The following AGO3 variants were observed in gnomAD, a reference collection of about 807,000 sequenced individuals.
The protein encoded by AGO3 is protein argonaute-3.
Under a neutral mutation model 105.5 loss-of-function variants are expected in AGO3, and 16 were observed. The ratio of observed to expected loss-of-function variants is 0.15; its 90% CI spans 0.10 to 0.23. The LOEUF (loss-of-function observed/expected upper bound fraction) is 0.23. Among genes scored for constraint, AGO3 ranks in the 10% least tolerant of loss-of-function variants. AGO3 has a pLI of 1.00. For missense variants in AGO3, 534 were observed against 1,088.0 expected, an observed-to-expected ratio of 0.49 and a Z score of 7.16; for synonymous variants, 340 against 367.3, an observed-to-expected ratio of 0.93 and a Z score of 0.85.
At chr1:35,996,631 TGTG>T (rs1409615040) in intron 5 of AGO3, among the ~76,000 whole-genome samples, 3 of 151,542 alleles carry the variant, frequency 2.0e-5, no homozygotes, top group African/African-American at 2.4e-5. Context: ...ATTAGGCAGG[TGTG>T]GTGGTGGTCA....
At chr1:36,013,823 AATAT>A in intron 10 of AGO3, 71 bp downstream of exon 10, 2 of 1,601,356 alleles carry the variant, frequency 1.2e-6, no homozygotes, top group Middle Eastern at 1.7e-4. Context: ...GCATATCAGA[AATAT>A]TTCAATTCAG....
intron 1 of AGO3, among the ~76,000 whole-genome samples, chr1:35,936,268 C>A (rs765798774): frequency 1.1e-4 from 17 of 150,216 alleles, no homozygotes; most frequent in East Asian, 7.8e-4. Context: ...AAAAAAAAAA[C>A]CAACTATTGA....
intron 5 of AGO3, among the ~76,000 whole-genome samples, chr1:35,997,210 T>TG (rs1465981089): frequency 4.0e-5 from 6 of 151,196 alleles, no homozygotes; most frequent in Non-Finnish European, 8.9e-5. Flanking sequence ...ACCTGGGAGG[T>TG]GGAGGTTGGA....
At chr1:35,955,791 C>T (rs1188409114) in intron 2 of AGO3, among the ~76,000 whole-genome samples, 3 of 152,020 alleles carry the variant, frequency 2.0e-5, no homozygotes, top group South Asian at 2.1e-4. Flanking sequence ...AATGGGATTT[C>T]GCCATGTTGC....
chr1:35,942,102 T>G (rs1008329306), intron 1 of AGO3, among the ~76,000 whole-genome samples: 2 of 152,186 alleles, frequency 1.3e-5, no homozygotes, highest in Non-Finnish European at 2.9e-5. Context: ...ATTACTTATC[T>G]CAGGCTAGGA....
intron 11 of AGO3, among the ~76,000 whole-genome samples, chr1:36,019,555 C>T (rs1641103617): frequency 6.6e-6 from 1 of 152,178 alleles, no homozygotes; most frequent in Non-Finnish European, 1.5e-5. Flanking sequence ...CATCAGCCCA[C>T]TTGTATGAGA....
Position 36,027,451 on chromosome 1 carries a change from G to A in AGO3, c.1591+153G>A, listed in dbSNP as rs1013735160. On this transcript the variant is annotated intron_variant, in intron 12 of 18. Transcript: ENST00000373191. This position sits in a 1 kb window ranked among gnomAD's most constrained non-coding sequence, Gnocchi z 4.0. ...TATTACTTGAAGACAAATTAATATA[G>A]CAAACTAAATAGTCCAAGATGAGAC... Among the ~76,000 whole-genome samples the A allele has an allele frequency of 6.6e-6, 1 of 152,142 alleles. No homozygotes were observed. Among genetic ancestry groups the A allele is most frequent in the African/African-American group, 2.4e-5 (1 of 41,434 alleles).
rs528305656 is a variant in AGO3 at position 35,997,107 on chromosome 1, A to C, written c.659-7234A>C. ...AGCTTGGCCAACATGGTGAAAACCT[A>C]TCTCTACTAAAAATAGAAAAAATTA... On this transcript the variant is annotated intron_variant, in intron 5 of 18. Transcript: ENST00000373191. Among the ~76,000 whole-genome samples, 32 of 152,152 alleles carry C rather than the reference A, an allele frequency of 2.1e-4. No individual in the cohort carries two copies. The East Asian group carries it at 4.3e-3, about 20-fold the overall frequency.
Position 36,009,051 on chromosome 1 carries a change from C to G in AGO3, c.1029+7C>G. 3.3e-6 allele frequency: 5 copies of G among 1,525,876 alleles called. No homozygotes were observed. Among genetic ancestry groups the G allele is most frequent in the Non-Finnish European group, 4.3e-6 (5 of 1,153,032 alleles). The allele number at this position is 1,525,876 out of a possible 1,614,324, so 94.5% of individuals were successfully genotyped here. ...CACCTACCTGCCACTAGAAGTAATGCCTTCACACTGCTAATTAATACCCTG... is the reference window on the plus strand; with the variant it reads ...CACCTACCTGCCACTAGAAGTAATGGCTTCACACTGCTAATTAATACCCTG... On this transcript the variant is annotated splice_region_variant and intron_variant, in intron 8 of 18. Transcript: ENST00000373191.
Position 35,961,531 on chromosome 1 carries a change from A to C in AGO3, c.192-5424A>C, listed in dbSNP as rs903656573. On this transcript the variant is annotated intron_variant, in intron 2 of 18. Transcript: ENST00000373191. ...TTTTCACATGACAATCTATCAAAAT[A>C]GCCAAAAACTTATTCTGTAATTTTC... 2.0e-5 allele frequency among the ~76,000 whole-genome samples: 3 copies of C among 152,208 alleles called. No individual in the cohort carries two copies. In the East Asian group the frequency reaches 5.8e-4, roughly 29 times the overall value.
At chr1:36,014,964 G>A (rs1029077657) in intron 11 of AGO3, among the ~76,000 whole-genome samples, 1 of 152,096 alleles carries the variant, frequency 6.6e-6, no homozygotes, top group Admixed American at 6.6e-5. Context: ...TAAATGTGGG[G>A]AGGGTTTCCC....
intron 16 of AGO3, chr1:36,043,226 C>G (rs796462743): frequency 9.1e-5 from 44 of 485,290 alleles, no homozygotes; most frequent in African/African-American, 7.4e-4. Flanking sequence ...GTAGTAGAGA[C>G]TGTATTAGGT....
At chr1:36,007,772 A>G (rs1042741376) in intron 6 of AGO3, among the ~76,000 whole-genome samples, 1 of 152,164 alleles carries the variant, frequency 6.6e-6, no homozygotes, top group Non-Finnish European at 1.5e-5. Context: ...GTAACATGTT[A>G]TTAGTGATTA....
intron 1 of AGO3, among the ~76,000 whole-genome samples, chr1:35,939,619 A>G (rs906635854): frequency 1.3e-5 from 2 of 152,168 alleles, no homozygotes; most frequent in Non-Finnish European, 2.9e-5. Flanking sequence ...AAAATAGTCT[A>G]TCAGAAAAAG....
At chr1:35,982,638 C>T in intron 5 of AGO3, 1 of 717,542 alleles carries the variant, frequency 1.4e-6, no homozygotes, top group East Asian at 2.7e-5. Context: ...CCTCTGGCAG[C>T]AGTGTGGAGA....
intron 5 of AGO3, among the ~76,000 whole-genome samples, chr1:35,999,460 T>G (rs779935417): frequency 7.9e-5 from 12 of 152,212 alleles, no homozygotes; most frequent in Non-Finnish European, 1.8e-4. Context: ...TGACTGAAAT[T>G]GCGATTGAAG....
intron 5 of AGO3, among the ~76,000 whole-genome samples, chr1:35,976,347 C>A (rs1348714208): frequency 6.6e-6 from 1 of 151,950 alleles, no homozygotes; most frequent in Non-Finnish European, 1.5e-5. Flanking sequence ...TGTATACTTT[C>A]TCTCTTTCTG....
At chr1:35,962,037 T>C (rs1422572439) in intron 2 of AGO3, among the ~76,000 whole-genome samples, 1 of 152,232 alleles carries the variant, frequency 6.6e-6, no homozygotes, top group Non-Finnish European at 1.5e-5. Flanking sequence ...TTTATGTTTT[T>C]AACATGCTAG....
chr1:36,045,420 C>T (rs1025256237), intron 17 of AGO3, among the ~76,000 whole-genome samples: 57 of 152,146 alleles, frequency 3.7e-4, no homozygotes, highest in Admixed American at 3.3e-3. Context: ...TGGGATTTCA[C>T]CATGATGGCC....
Sources: allele counts gnomAD v4.1 joint callset (sites outside exome capture counted in the v4.1 genomes callset), GRCh38; gene constraint gnomAD v4.1.1; non-coding constraint Gnocchi (gnomAD v3.1); transcripts MANE v1.5; gene names NCBI Gene and HGNC (gene_info 2026-07-23, HGNC 2026-07-21).